Variants in GRIP1 observed in about 807,000 individuals in gnomAD.
GRIP1 encodes glutamate receptor interacting protein 1.
Under a neutral mutation model 129.9 loss-of-function variants are expected in GRIP1, and 45 were observed. That is an observed-to-expected ratio of 0.35 (90% CI 0.27 to 0.44). GRIP1 has a LOEUF of 0.44. Among genes scored for constraint, GRIP1 ranks in the 20% least tolerant of loss-of-function variants. The pLI is 1.00. For missense variants in GRIP1, 1,196 were observed against 1,396.8 expected (o/e 0.86, Z 2.29); for synonymous variants, 530 against 520.8 (o/e 1.02, Z -0.24).
At chr12:66,531,252 A>AAAT (rs1565833708) in intron 4 of GRIP1, among the ~76,000 whole-genome samples, 7 of 19,460 alleles carry the variant, frequency 3.6e-4, no homozygotes, top group Admixed American at 7.3e-4. Context: ...AAAAAAAAAA[A>AAAT]ATATATATAT....
intron 15 of GRIP1, among the ~76,000 whole-genome samples, chr12:66,417,332 A>G (rs191498285): frequency 2.0e-4 from 30 of 152,322 alleles, no homozygotes; most frequent in African/African-American, 5.5e-4. Flanking sequence ...TGCTGCTAGT[A>G]TCATACTGAA....
intron 1 of GRIP1, among the ~76,000 whole-genome samples, chr12:66,888,204 C>T (rs768711523): frequency 1.3e-5 from 2 of 149,608 alleles, no homozygotes; most frequent in African/African-American, 2.5e-5. Context: ...CACAGGCGCA[C>T]ACCATCACAC....
intron 1 of GRIP1, among the ~76,000 whole-genome samples, chr12:66,724,366 C>A (rs563691762): frequency 6.6e-6 from 1 of 152,300 alleles, no homozygotes; most frequent in South Asian, 2.1e-4. Flanking sequence ...CAGAAGGGTT[C>A]AGCGGTGCTG....
intron 2 of GRIP1, among the ~76,000 whole-genome samples, chr12:66,561,346 A>G (rs1416439270): frequency 6.6e-6 from 1 of 152,194 alleles, no homozygotes; most frequent in Non-Finnish European, 1.5e-5. Context: ...GATTGTTTGT[A>G]GCACAAAGGA....
intron 11 of GRIP1, among the ~76,000 whole-genome samples, chr12:66,450,822 A>T (rs2058771858): frequency 6.6e-6 from 1 of 152,220 alleles, no homozygotes; most frequent in South Asian, 2.1e-4. Context: ...TTTAAAGATA[A>T]GGAATCAAAA....
At chr12:66,994,816 C>T (rs2042443952) in intron 1 of GRIP1, among the ~76,000 whole-genome samples, 1 of 152,054 alleles carries the variant, frequency 6.6e-6, no homozygotes, top group Non-Finnish European at 1.5e-5. Flanking sequence ...AATTTCATCT[C>T]TATTTTGCAG....
Position 66,561,778 on chromosome 12 carries a change from C to T in GRIP1, c.137-19828G>A, listed in dbSNP as rs550228205. ...TTAAGGTGCCAGCGATCGTAAGGCACACTGTTATTTTATTTGCTGCTAAGA... is the reference window on the plus strand; with the variant it reads ...TTAAGGTGCCAGCGATCGTAAGGCATACTGTTATTTTATTTGCTGCTAAGA... On this transcript the variant is annotated intron_variant, in intron 2 of 24. Transcript: ENST00000359742. Among the ~76,000 whole-genome samples, 20 of 152,174 alleles carry T rather than the reference C, an allele frequency of 1.3e-4. No homozygotes were observed. The South Asian group carries it at 3.3e-3, about 25-fold the overall frequency.
At chr12:66,752,058 C>A (rs2037143029) in intron 1 of GRIP1, among the ~76,000 whole-genome samples, 1 of 151,954 alleles carries the variant, frequency 6.6e-6, no homozygotes, top group Non-Finnish European at 1.5e-5. Flanking sequence ...ACTGGCAGGA[C>A]CTCAACTGTT....
At position 66,556,211 on chromosome 12, in the gene GRIP1, C is replaced by T. The variant is rs1323966397; in HGVS notation, c.137-14261G>A. 2.6e-5 allele frequency among the ~76,000 whole-genome samples: 4 copies of T among 152,116 alleles called. No homozygotes were observed. In the East Asian group the frequency reaches 7.7e-4, roughly 29 times the overall value. ...TAAACAAATAACATAGAATGGAGCTCCAGTAAATCTAGCAGCAGACTTTTC... is the reference window on the plus strand; with the variant it reads ...TAAACAAATAACATAGAATGGAGCTTCAGTAAATCTAGCAGCAGACTTTTC... On this transcript the variant is annotated intron_variant, in intron 2 of 24. Transcript: ENST00000359742.
chr12:67,008,603 C>G (rs1019915289), intron 1 of GRIP1, among the ~76,000 whole-genome samples: 7 of 152,120 alleles, frequency 4.6e-5, no homozygotes, highest in Non-Finnish European at 7.4e-5. Context: ...ACACAACATA[C>G]TAAATATGTG....
chr12:66,767,985 T>A (rs544268464), intron 1 of GRIP1, among the ~76,000 whole-genome samples: 2 of 152,198 alleles, frequency 1.3e-5, no homozygotes, highest in Non-Finnish European at 2.9e-5. Context: ...AATGTGTATA[T>A]GCTGCAGGCT....
At chr12:66,903,633 CAAAG>C (rs1330317242) in intron 1 of GRIP1, among the ~76,000 whole-genome samples, 3 of 152,030 alleles carry the variant, frequency 2.0e-5, no homozygotes, top group Non-Finnish European at 4.4e-5. Context: ...ATCAAGTAAT[CAAAG>C]AAAGATTTTA....
chr12:66,779,270 A>G (rs1052245148), intron 1 of GRIP1, among the ~76,000 whole-genome samples: 1 of 152,198 alleles, frequency 6.6e-6, no homozygotes, highest in African/African-American at 2.4e-5. Flanking sequence ...CAGAATAATA[A>G]GAACCTCTTG....
intron 24 of GRIP1, among the ~76,000 whole-genome samples, chr12:66,352,280 T>C (rs1275181783): frequency 6.6e-6 from 1 of 151,954 alleles, no homozygotes; most frequent in Admixed American, 6.6e-5. Flanking sequence ...GTGGTTTAAG[T>C]CGCAGCATGT....
chr12:66,382,310 A>G (rs2056147814), intron 19 of GRIP1, among the ~76,000 whole-genome samples: 1 of 152,224 alleles, frequency 6.6e-6, no homozygotes, highest in South Asian at 2.1e-4. Context: ...CCTTGAGCCC[A>G]GGAGTTCGAG....
At chr12:66,434,974 A>T (rs1367077150) in intron 13 of GRIP1, among the ~76,000 whole-genome samples, 1 of 152,242 alleles carries the variant, frequency 6.6e-6, no homozygotes, top group Non-Finnish European at 1.5e-5. Context: ...TTCTCTGATT[A>T]AACCAGGTGG....
intron 2 of GRIP1, among the ~76,000 whole-genome samples, chr12:66,544,829 T>G (rs1449183116): frequency 6.6e-6 from 1 of 152,144 alleles, no homozygotes; most frequent in East Asian, 1.9e-4. Flanking sequence ...TAATTAATCA[T>G]TTAATACCCT....
At chr12:66,778,080 C>A (rs1390872819) in intron 1 of GRIP1, among the ~76,000 whole-genome samples, 1 of 152,048 alleles carries the variant, frequency 6.6e-6, no homozygotes, top group Non-Finnish European at 1.5e-5. Context: ...ATGTGGATTG[C>A]ATGGTAAAAT....
intron 1 of GRIP1, among the ~76,000 whole-genome samples, chr12:67,056,716 T>C (rs935189115): frequency 6.6e-6 from 1 of 152,184 alleles, no homozygotes; most frequent in African/African-American, 2.4e-5. Context: ...AAAGGATCAA[T>C]TTCTAAACAC....
Sources: gnomAD v4.1 joint callset for allele counts (sites outside exome capture counted in the v4.1 genomes callset) on GRCh38, gnomAD v4.1.1 for gene constraint, MANE v1.5 for transcripts, NCBI Gene and HGNC (gene_info 2026-07-23, HGNC 2026-07-21) for gene names.